NCOA7: variants seen among roughly 807,000 people sequenced by gnomAD.
NCOA7 encodes nuclear receptor coactivator 7, also known as 140 kDa estrogen receptor-associated protein.
In NCOA7, 45 loss-of-function variants were observed where a neutral mutation model predicts 104.3. The ratio of observed to expected loss-of-function variants is 0.43; its 90% confidence interval spans 0.34 to 0.55. The LOEUF (loss-of-function observed/expected upper bound fraction) is 0.55, where lower values mean the gene tolerates loss of function less well. NCOA7 is among the 20% of genes least tolerant of loss of function. NCOA7 has a pLI of 0.02. For synonymous variants in NCOA7, 398 were observed against 402.3 expected (o/e 0.99, Z 0.13); for missense variants, 1,041 against 1,119.7 (o/e 0.93, Z 1.00).
In NCOA7 at chr6:125,884,921, T is replaced by C. The variant is rs76288331; in HGVS notation, c.700-238T>C. Among the ~76,000 whole-genome samples, 272 of 152,344 alleles carry C rather than the reference T, an allele frequency of 1.8e-3. 1 individual carries two copies. The highest frequency in any genetic ancestry group is 5.3e-3 in the African/African-American group (220 of 41,592). On this transcript the variant is annotated intron_variant, in intron 7 of 15. Transcript: ENST00000392477. ...AACTGTGCTGTTGCAGCAGCTGTGA[T>C]AGAACCAGGCTCAGCTGGTTGCCTC... is the stretch of plus-strand genomic sequence containing the variant.
intron 2 of NCOA7, among the ~76,000 whole-genome samples, chr6:125,823,872 A>C (rs1307134333): frequency 6.6e-6 from 1 of 152,168 alleles, no homozygotes; most frequent in Non-Finnish European, 1.5e-5. Flanking sequence ...ACTAAGCTGG[A>C]CTGAAATAGA....
intron 2 of NCOA7, among the ~76,000 whole-genome samples, chr6:125,836,784 A>T (rs1160440827): frequency 6.6e-6 from 1 of 152,252 alleles, no homozygotes; most frequent in South Asian, 2.1e-4. Flanking sequence ...GCCTTTTATC[A>T]ACAACTACTA....
At chr6:125,900,093 G>C in intron 10 of NCOA7, 1 of 526,284 alleles carries the variant, frequency 1.9e-6, no homozygotes, top group Non-Finnish European at 3.9e-6. Flanking sequence ...GGTAAAGGAA[G>C]CATGAGGCCA....
chr6:125,814,835 T>C (rs1163824352), intron 1 of NCOA7, among the ~76,000 whole-genome samples: 1 of 152,204 alleles, frequency 6.6e-6, no homozygotes, highest in Non-Finnish European at 1.5e-5. Context: ...AATAGAGTGC[T>C]GAAGTTATTT....
intron 2 of NCOA7, among the ~76,000 whole-genome samples, chr6:125,830,735 A>ATGTGTGTGTGTGTGTGTGTGTGTG (rs779830277): frequency 7.5e-6 from 1 of 133,950 alleles, no homozygotes; most frequent in African/African-American, 2.7e-5. Flanking sequence ...ATATATATAT[A>ATGTGTGTGTGTGTGTGTGTGTGTG]TATGTGTGTG....
intron 6 of NCOA7, 135 bp from the exon 7 acceptor site, chr6:125,882,291 G>C: frequency 3.7e-6 from 3 of 805,120 alleles, no homozygotes; most frequent in Non-Finnish European, 5.9e-6. Context: ...TTGAAGGACA[G>C]AGGATATTTG....
chr6:125,793,141 G>A (rs1038806826), intron 1 of NCOA7, among the ~76,000 whole-genome samples: 1 of 152,082 alleles, frequency 6.6e-6, no homozygotes, highest in Non-Finnish European at 1.5e-5. Context: ...AACAGTGGGA[G>A]GGAACTTATG....
At chr6:125,828,843 C>T (rs770469683) in intron 2 of NCOA7, among the ~76,000 whole-genome samples, 5 of 152,112 alleles carry the variant, frequency 3.3e-5, no homozygotes, top group Non-Finnish European at 7.4e-5. Context: ...ACAAATATGA[C>T]CTCACTATGG....
chr6:125,858,550 T>C (rs1414359657), intron 3 of NCOA7, among the ~76,000 whole-genome samples: 3 of 151,886 alleles, frequency 2.0e-5, no homozygotes, highest in Admixed American at 2.0e-4. Flanking sequence ...GGTGAGAGAA[T>C]TGCTTGAGCC....
At chr6:125,825,221 C>T (rs192649875) in intron 2 of NCOA7, among the ~76,000 whole-genome samples, 1 of 149,374 alleles carries the variant, frequency 6.7e-6, no homozygotes, top group East Asian at 2.0e-4. Flanking sequence ...ATGCCTGTAA[C>T]CCTAGCTACT....
At chr6:125,872,207 T>A (rs1392178220) in intron 3 of NCOA7, among the ~76,000 whole-genome samples, 1 of 152,202 alleles carries the variant, frequency 6.6e-6, no homozygotes, top group Non-Finnish European at 1.5e-5. Flanking sequence ...ATTTTTGTAC[T>A]AATTCAGGTG....
intron 1 of NCOA7, among the ~76,000 whole-genome samples, chr6:125,800,247 A>G (rs1242004682): frequency 3.3e-5 from 5 of 152,198 alleles, no homozygotes; most frequent in Non-Finnish European, 7.3e-5. Flanking sequence ...GAAAGGACCA[A>G]ATCCCAGGGA....
intron 1 of NCOA7, among the ~76,000 whole-genome samples, chr6:125,792,664 T>C (rs2128543941): frequency 6.6e-6 from 1 of 152,322 alleles, no homozygotes; most frequent in Middle Eastern, 3.4e-3. Context: ...CAATTTAAAC[T>C]GTTTTCTCCT....
intron 10 of NCOA7, among the ~76,000 whole-genome samples, chr6:125,901,604 G>A (rs1348212393): frequency 6.6e-6 from 1 of 152,202 alleles, no homozygotes; most frequent in Non-Finnish European, 1.5e-5. Flanking sequence ...GTAGCGTCTA[G>A]GGGTTGCCCA....
intron 2 of NCOA7, among the ~76,000 whole-genome samples, chr6:125,842,078 C>A (rs1780225878): frequency 6.6e-6 from 1 of 152,124 alleles, no homozygotes; most frequent in Non-Finnish European, 1.5e-5. Flanking sequence ...TAAGCTAGAA[C>A]ATATTCTAAT....
intron 1 of NCOA7, among the ~76,000 whole-genome samples, chr6:125,795,722 G>A (rs79047698): frequency 0.019 from 2,941 of 152,190 alleles, 42 homozygotes; most frequent in Middle Eastern, 0.058. Flanking sequence ...ACACAGGAAG[G>A]AATCTGCACA....
intron 10 of NCOA7, among the ~76,000 whole-genome samples, chr6:125,900,576 A>T (rs541849279): frequency 6.6e-6 from 1 of 152,218 alleles, no homozygotes; most frequent in East Asian, 1.9e-4. Context: ...GTATGTGTAC[A>T]TTGTGAAATA....
chr6:125,865,238 C>T lies in NCOA7; in HGVS notation c.272-9651C>T, dbSNP rs990924321. On this transcript the variant is annotated intron_variant, in intron 3 of 15. Coordinates refer to ENST00000392477, the MANE Select transcript of NCOA7 (RefSeq NM_181782.5). ...CCAAAGCCTGACTTATTTCCACAAACGAGGAGGACCTTCTCCATGCTGAGT... is the reference window on the plus strand; with the variant it reads ...CCAAAGCCTGACTTATTTCCACAAATGAGGAGGACCTTCTCCATGCTGAGT... Among the ~76,000 whole-genome samples, 7 of 138,572 alleles carry T rather than the reference C, an allele frequency of 5.1e-5. 1 individual carries two copies. The highest frequency in any genetic ancestry group is 3.8e-3 in the Middle Eastern group (1 of 266). The allele number at this position is 138,572 out of a possible 152,430, so 90.9% of individuals were successfully genotyped here.
At position 125,889,753 on chromosome 6, in the gene NCOA7, G is replaced by C; in HGVS notation, c.1699G>C (p.Ala567Pro). 6.2e-7 allele frequency: 1 copy of C among 1,612,672 alleles called. No homozygotes were observed. Among genetic ancestry groups the C allele is most frequent in the Non-Finnish European group, 8.5e-7 (1 of 1,179,482 alleles). The stretch of plus-strand genomic sequence containing the variant: ...TACCCTTAGTAGTTCTCTTTCCCAG[G>C]CGGGTGATCCCATAACTGAGGGCAA... ...DITLSSSLSQAGDPITEGNKE... is the reference protein window; with the variant it reads ...DITLSSSLSQPGDPITEGNKE... The change falls in exon 9 of 16, where the codon GCG (alanine) becomes CCG (proline). Residue 567 changes from alanine to proline, a missense_variant. Coordinates refer to ENST00000392477, the MANE Select transcript of NCOA7 (RefSeq NM_181782.5).
Sources: gnomAD v4.1 joint callset for allele counts (sites outside exome capture counted in the v4.1 genomes callset) on GRCh38, gnomAD v4.1.1 for gene constraint, MANE v1.5 for transcripts, NCBI Gene and HGNC (gene_info 2026-07-23, HGNC 2026-07-21) for gene names.